The following GLIPR1 variants were observed in gnomAD, a reference collection of about 807,000 sequenced individuals.
GLIPR1 encodes GLI pathogenesis related 1.
A neutral mutation model predicts 30.3 loss-of-function variants in GLIPR1; 38 were observed. The ratio of observed to expected loss-of-function variants is 1.26; its 90% CI spans 0.97 to 1.65. The LOEUF (loss-of-function observed/expected upper bound fraction) is 1.65, where lower values mean the gene tolerates loss of function less well. GLIPR1 is among the 40% of genes most tolerant of loss of function. The pLI, the probability that GLIPR1 is intolerant of heterozygous loss-of-function variation, is 0.00. For missense variants in GLIPR1, 285 were observed against 326.5 expected (o/e 0.87, Z 0.98); for synonymous variants, 122 against 110.6 (o/e 1.10, Z -0.65).
chr12:75,485,620 G>A (rs1005419269), intron 2 of GLIPR1, among the ~76,000 whole-genome samples: 8 of 149,260 alleles, frequency 5.4e-5, no homozygotes, highest in Non-Finnish European at 1.2e-4. Context: ...GCGGGATCTC[G>A]GCTCACTGCA....
In GLIPR1 at chr12:75,501,352, G is replaced by A. The variant is rs1193684954; in HGVS notation, c.*2374G>A. ...AAACTCTAAGCCAAGATCACATAAAGAGAAGAAAAAGTACAACTTCTGATA... is the reference window on the plus strand; with the variant it reads ...AAACTCTAAGCCAAGATCACATAAAAAGAAGAAAAAGTACAACTTCTGATA... On this transcript the variant is annotated 3_prime_UTR_variant, in exon 6 of 6. Transcript: ENST00000266659. The A allele has an allele frequency of 1.1e-5, 2 of 178,046 alleles. No homozygotes were observed. Among genetic ancestry groups the A allele is most frequent in the African/African-American group, 4.8e-5 (2 of 41,932 alleles). 11.0% of individuals were successfully genotyped at this position (178,046 alleles called of 1,614,324 possible). A position where few individuals can be genotyped will look rare whatever the true frequency, so the allele number is the denominator to read the frequency against.
intron 4 of GLIPR1, chr12:75,497,042 T>C (rs1206119792): frequency 2.0e-5 from 3 of 152,218 alleles, no homozygotes; most frequent in African/African-American, 7.2e-5. Context: ...TCAGAACGTA[T>C]ATATTTCTTC....
At chr12:75,498,650 T>C (rs1306505107) in intron 4 of GLIPR1, 44 bp from the exon 5 acceptor site, 5 of 1,527,388 alleles carry the variant, frequency 3.3e-6, no homozygotes, top group Non-Finnish European at 2.7e-6. Context: ...CTCAACTGTG[T>C]CTACCCTTTT....
intron 3 of GLIPR1, among the ~76,000 whole-genome samples, 156 bp downstream of exon 3, chr12:75,490,674 C>T (rs2046318652): frequency 6.6e-6 from 1 of 151,194 alleles, no homozygotes; most frequent in African/African-American, 2.4e-5. Context: ...AATTCTTCTG[C>T]CCAGAGATAT....
chr12:75,495,601 T>G lies in GLIPR1; in HGVS notation c.558T>G (p.Tyr186Ter). 6.2e-7 allele frequency: 1 copy of G among 1,609,610 alleles called. No individual in the cohort carries two copies. The highest frequency in any genetic ancestry group is 8.5e-7 in the Non-Finnish European group (1 of 1,175,958). ...GAGGGAATTACCCAACTTGGCCATA[T>G]AAGAGAGGAGCCACCTGCAGTGCCT... ...GPGGNYPTWPYKRGATCSACP... is the reference protein window; with the variant it reads ...GPGGNYPTWP The change falls in exon 4 of 6, where the codon TAT (tyrosine) becomes TAG (stop). Residue 186 changes from tyrosine (Y) to a stop codon, truncating the protein, a stop_gained. Coordinates refer to ENST00000266659, the MANE Select transcript of GLIPR1 (RefSeq NM_006851.3). LOFTEE classifies it high-confidence loss of function.
chr12:75,484,572 G>A (rs1340369767), intron 2 of GLIPR1: 1 of 152,192 alleles, frequency 6.6e-6, no homozygotes, highest in African/African-American at 2.4e-5. Context: ...TTTATCACCT[G>A]GGTACAGGCA....
intron 2 of GLIPR1, chr12:75,487,917 G>C (rs1392604181): frequency 1.2e-5 from 4 of 341,002 alleles, no homozygotes; most frequent in Non-Finnish European, 2.4e-5. Flanking sequence ...CATTTTTATG[G>C]TTATTTCTTG....
At chr12:75,487,199 T>C (rs1259918139) in intron 2 of GLIPR1, among the ~76,000 whole-genome samples, 1 of 152,160 alleles carries the variant, frequency 6.6e-6, no homozygotes, top group Non-Finnish European at 1.5e-5. Context: ...GAACACAGCA[T>C]GCATAGGAAT....
intron 2 of GLIPR1, among the ~76,000 whole-genome samples, chr12:75,487,567 C>T (rs1025613071): frequency 2.0e-5 from 3 of 152,162 alleles, no homozygotes; most frequent in Admixed American, 1.3e-4. Context: ...GTACACTCGC[C>T]CTTGCCAAAG....
In GLIPR1 at chr12:75,498,735, C is replaced by CTTAAATTGTTTCA. The variant is rs564929541; in HGVS notation, c.646+20_646+32dup. 338 of 1,611,856 alleles carry CTTAAATTGTTTCA rather than the reference C, an allele frequency of 2.1e-4. 2 individuals are homozygous for CTTAAATTGTTTCA. The South Asian group carries it at 2.9e-3, about 14-fold the overall frequency. The stretch of plus-strand genomic sequence containing the variant: ...CCAAGTCAAACGTACGTACATCAAT[C>CTTAAATTGTTTCA]TTAAATTGTTTCATTAAGAGCTATG... On this transcript the variant is annotated intron_variant, in intron 5 of 5. Coordinates refer to ENST00000266659, the MANE Select transcript of GLIPR1 (RefSeq NM_006851.3).
rs760892233 is a variant in GLIPR1 at position 75,481,996 on chromosome 12, G to A, written c.337G>A (p.Ala113Thr). The A allele has an allele frequency of 9.3e-6, 15 of 1,613,850 alleles. 2 individuals carry two copies. The highest frequency in any genetic ancestry group is 6.6e-5 in the South Asian group (6 of 91,070). Residue 113 changes from alanine (A) to threonine (T), a missense_variant, in exon 2 of 6, where the codon GCC becomes ACC. Ala to Thr is a moderately conservative substitution (Grantham distance 58). Transcript: ENST00000266659. ...GSVPIFSVSS[A>T]ITNWYDEIQD... is the part of the protein sequence containing the mutation. The stretch of plus-strand genomic sequence containing the variant: ...TGTGCCCATTTTTTCTGTGTCTTCC[G>A]CCATCACAAACTGGTATGACGAAAT...
Position 75,498,866 on chromosome 12 carries a change from G to GT in GLIPR1, c.690dup (p.Asn231Ter), listed in dbSNP as rs1430147770. On this transcript the variant is annotated frameshift_variant, in exon 6 of 6. Coordinates refer to ENST00000266659, the MANE Select transcript of GLIPR1 (RefSeq NM_006851.3). LOFTEE classifies it low-confidence loss of function (END_TRUNC). ...TATCCAGGCTGGCCCATATATCCAC[G>GT]TAACAGATACACTTCTCTCTTTCTC... 8 of 1,611,020 alleles carry GT rather than the reference G, an allele frequency of 5.0e-6. No homozygotes were observed. In the East Asian group the frequency reaches 1.8e-4, roughly 36 times the overall value.
At chr12:75,481,146 A>G in intron 1 of GLIPR1, 92 bp downstream of exon 1, 1 of 874,350 alleles carries the variant, frequency 1.1e-6, no homozygotes, top group Non-Finnish European at 1.7e-6. Context: ...ATACTGAATG[A>G]TTTTTTTTTC....
intron 3 of GLIPR1, chr12:75,491,174 T>C (rs2046321679): frequency 7.5e-6 from 1 of 133,486 alleles, no homozygotes; most frequent in African/African-American, 2.6e-5. Flanking sequence ...ATAAAAATGA[T>C]AGATTGTTTA....
In GLIPR1 at chr12:75,499,822, T is replaced by C; in HGVS notation, c.*844T>C. On this transcript the variant is annotated 3_prime_UTR_variant, in exon 6 of 6. Coordinates refer to ENST00000266659, the MANE Select transcript of GLIPR1 (RefSeq NM_006851.3). ...GTTTTGGGTATGTTACTTTTTTTTC[T>C]TCTTTTTCTTTTCATCTGCCTCCAT... 6.3e-7 allele frequency: 1 copy of C among 1,599,290 alleles called. No individual in the cohort carries two copies. Among genetic ancestry groups the C allele is most frequent in the Admixed American group, 1.7e-5 (1 of 57,920 alleles).
rs2046408618 is a variant in GLIPR1 at position 75,503,589 on chromosome 12, A to G, written c.*4611A>G. 5.3e-6 allele frequency: 1 copy of G among 187,974 alleles called. No homozygotes were observed. Among genetic ancestry groups the G allele is most frequent in the Admixed American group, 6.1e-5 (1 of 16,504 alleles). The allele number at this position is 187,974 out of a possible 1,614,324, so 11.6% of individuals were successfully genotyped here. On this transcript the variant is annotated 3_prime_UTR_variant, in exon 6 of 6. Transcript: ENST00000266659. ...AACAACCATAGAGCACACAGTCACA[A>G]TAATGTTGCCAAATCAGAGAAAAGA...
chr12:75,481,224 C>A (rs989474519), intron 1 of GLIPR1, 170 bp downstream of exon 1: 2 of 481,030 alleles, frequency 4.2e-6, no homozygotes, highest in Non-Finnish European at 3.6e-6. Context: ...GCTCTGTCTA[C>A]CCAACTGTTG....
chr12:75,484,718 G>A (rs957677135), intron 2 of GLIPR1: 12 of 152,210 alleles, frequency 7.9e-5, no homozygotes, highest in Admixed American at 6.5e-4. Context: ...GCTCAGTGGG[G>A]GAGCTTTTGA....
At position 75,503,796 on chromosome 12, in the gene GLIPR1, A is replaced by AAT. The variant is rs139792543; in HGVS notation, c.*4830_*4831dup. 1.5e-3 allele frequency: 1,374 copies of AAT among 945,802 alleles called. 3 individuals carry two copies. Among genetic ancestry groups the AAT allele is most frequent in the South Asian group, 8.6e-3 (432 of 50,028 alleles). 58.6% of individuals were successfully genotyped at this position (945,802 alleles called of 1,614,324 possible). ...CTTATAGCTCTGCACACACACACAC[A>AAT]ATATATATATATACACATATCCCAC... On this transcript the variant is annotated 3_prime_UTR_variant, in exon 6 of 6. Coordinates refer to ENST00000266659, the MANE Select transcript of GLIPR1 (RefSeq NM_006851.3).
Sources: allele counts gnomAD v4.1 joint callset (sites outside exome capture counted in the v4.1 genomes callset), GRCh38; gene constraint gnomAD v4.1.1; transcripts MANE v1.5; gene names NCBI Gene and HGNC (gene_info 2026-07-23, HGNC 2026-07-21).